CSMD1: variants seen among roughly 807,000 people sequenced by gnomAD.
CSMD1 encodes CUB and sushi domain-containing protein 1.
A neutral mutation model predicts 417.5 loss-of-function variants in CSMD1; 213 were observed. The observed-to-expected ratio is 0.51, with a 90% CI of 0.46 to 0.57. The LOEUF is 0.57. Ranked by LOEUF, CSMD1 falls within the 20% of genes least tolerant of loss-of-function variation. The pLI is 0.00. For missense variants in CSMD1, 6,923 were observed against 4,529.7 expected, an observed-to-expected ratio of 1.53 and a Z score of -15.17; for synonymous variants, 2,862 against 1,736.8, an observed-to-expected ratio of 1.65 and a Z score of -16.11.
At chr8:4,693,104 C>T (rs1358353327) in intron 1 of CSMD1, among the ~76,000 whole-genome samples, 1 of 152,190 alleles carries the variant, frequency 6.6e-6, no homozygotes, top group Non-Finnish European at 1.5e-5. Flanking sequence ...CGGAAGTTCC[C>T]AGGGCCCACT....
intron 3 of CSMD1, among the ~76,000 whole-genome samples, chr8:4,325,276 T>G (rs1799496442): frequency 6.6e-6 from 1 of 152,172 alleles, no homozygotes; most frequent in Admixed American, 6.5e-5. Context: ...TCCTCCCCAC[T>G]AACCAAGTAT....
Position 3,366,883 on chromosome 8 carries a change from TG to T in CSMD1, c.3115+148del, listed in dbSNP as rs1563315963. The stretch of plus-strand genomic sequence containing the variant: ...CCTGCTTCGTGGAGGCTCAGCCTCC[TG>T]CACCCCATTAGTTGGAATCAAGTCA... On this transcript the variant is annotated intron_variant, in intron 20 of 69. Transcript: ENST00000635120. 1.5e-4 allele frequency: 105 copies of T among 693,512 alleles called. No homozygotes were observed. The African/African-American group carries it at 1.7e-3, about 11-fold the overall frequency. The allele number at this position is 693,512 out of a possible 1,614,324, so 43.0% of individuals were successfully genotyped here.
At chr8:3,069,576 G>A (rs1813187668) in intron 49 of CSMD1, among the ~76,000 whole-genome samples, 1 of 152,196 alleles carries the variant, frequency 6.6e-6, no homozygotes, top group Admixed American at 6.5e-5. Context: ...CACTACAAGG[G>A]GTGGTTTCGC....
In CSMD1 at chr8:2,946,927, T is replaced by G. The variant is rs561987365; in HGVS notation, c.10402+2372A>C. Reference sequence around the variant, plus strand: ...TAGATCACAGCCATCCTTGTGGACATGAAGGGGTATCCCAGTGTGGTTTTG... The same window carrying G: ...TAGATCACAGCCATCCTTGTGGACAGGAAGGGGTATCCCAGTGTGGTTTTG... On this transcript the variant is annotated intron_variant, in intron 68 of 69. Transcript: ENST00000635120. 1.1e-4 allele frequency among the ~76,000 whole-genome samples: 16 copies of G among 152,302 alleles called. No homozygotes were observed. The South Asian group carries it at 3.3e-3, about 32-fold the overall frequency.
chr8:4,309,671 C>A (rs1798450567), intron 3 of CSMD1, among the ~76,000 whole-genome samples: 1 of 152,150 alleles, frequency 6.6e-6, no homozygotes, highest in Non-Finnish European at 1.5e-5. Context: ...TTGAGCATAT[C>A]ACCTTACACA....
At chr8:3,772,458 TAC>T in intron 5 of CSMD1, among the ~76,000 whole-genome samples, 1 of 76,184 alleles carries the variant, frequency 1.3e-5, no homozygotes, top group African/African-American at 4.7e-5. Flanking sequence ...CACATATATA[TAC>T]ATATATACAC....
chr8:3,344,146 G>C (rs1023577398), intron 22 of CSMD1, among the ~76,000 whole-genome samples: 2 of 152,234 alleles, frequency 1.3e-5, no homozygotes, highest in Non-Finnish European at 1.5e-5. Flanking sequence ...CCAGCCGGGA[G>C]AGGGAAGGTT....
chr8:3,138,580 G>A (rs780123448), intron 41 of CSMD1, among the ~76,000 whole-genome samples: 7 of 152,188 alleles, frequency 4.6e-5, no homozygotes, highest in Non-Finnish European at 7.3e-5. Context: ...TCCCCTGGTC[G>A]GAGTACTCAG....
chr8:3,836,750 CAAA>C (rs540269220), intron 5 of CSMD1, among the ~76,000 whole-genome samples: 80 of 151,592 alleles, frequency 5.3e-4, no homozygotes, highest in South Asian at 1.2e-3. Context: ...AAATTCAGGG[CAAA>C]AAAATGTATT....
At chr8:3,869,412 C>T (rs1805327129) in intron 5 of CSMD1, among the ~76,000 whole-genome samples, 1 of 152,148 alleles carries the variant, frequency 6.6e-6, no homozygotes, top group Non-Finnish European at 1.5e-5. Context: ...ATTTTGTTTA[C>T]TCCTTTTCTC....
intron 7 of CSMD1, among the ~76,000 whole-genome samples, chr8:3,699,908 A>G (rs34534899): frequency 0.012 from 1,471 of 123,966 alleles, 6 homozygotes; most frequent in East Asian, 0.033. Context: ...ATATCCCATA[A>G]CTACATCCCT....
intron 3 of CSMD1, among the ~76,000 whole-genome samples, chr8:4,283,810 A>C (rs1796916746): frequency 6.6e-6 from 1 of 152,024 alleles, no homozygotes; most frequent in Non-Finnish European, 1.5e-5. Flanking sequence ...CGCTTTACCC[A>C]CCTATAAAAT....
At chr8:4,475,387 T>A (rs1800744286) in intron 2 of CSMD1, among the ~76,000 whole-genome samples, 1 of 152,122 alleles carries the variant, frequency 6.6e-6, no homozygotes, top group Non-Finnish European at 1.5e-5. Context: ...ATCAAATGTG[T>A]TATGATCCTG....
At chr8:3,183,857 A>T (rs1235071537) in intron 36 of CSMD1, among the ~76,000 whole-genome samples, 1 of 152,214 alleles carries the variant, frequency 6.6e-6, no homozygotes, top group African/African-American at 2.4e-5. Context: ...TATTATTTTC[A>T]CAACAATCAC....
rs149299720 is a variant in CSMD1 at position 4,024,046 on chromosome 8, G to C, written c.610+7859C>G. Among the ~76,000 whole-genome samples, 1,236 of 152,038 alleles carry C rather than the reference G, an allele frequency of 8.1e-3. 24 individuals carry two copies. The highest frequency in any genetic ancestry group is 0.028 in the African/African-American group (1,148 of 41,470). ...TCTATTGCAATTGAGAGAACATAGAGGCCAAAACAGGAGAGAAAATATACT... is the reference window on the plus strand; with the variant it reads ...TCTATTGCAATTGAGAGAACATAGACGCCAAAACAGGAGAGAAAATATACT... On this transcript the variant is annotated intron_variant, in intron 4 of 69. Coordinates refer to ENST00000635120, the MANE Select transcript of CSMD1 (RefSeq NM_033225.6).
At chr8:3,131,809 A>G (rs1817808415) in intron 41 of CSMD1, among the ~76,000 whole-genome samples, 1 of 152,188 alleles carries the variant, frequency 6.6e-6, no homozygotes, top group African/African-American at 2.4e-5. Flanking sequence ...TGCCTTTAAA[A>G]TGTAAGGAAA....
intron 5 of CSMD1, among the ~76,000 whole-genome samples, chr8:3,930,141 T>C (rs1810039109): frequency 6.7e-6 from 1 of 150,230 alleles, no homozygotes; most frequent in Non-Finnish European, 1.5e-5. Context: ...TACCCTACCA[T>C]TGTAAATAAG....
chr8:4,443,773 T>C (rs144224535), intron 2 of CSMD1, among the ~76,000 whole-genome samples: 2 of 152,308 alleles, frequency 1.3e-5, no homozygotes, highest in Non-Finnish European at 2.9e-5. Flanking sequence ...ACATTCTATC[T>C]CTACCAAGTG....
At chr8:4,943,100 G>C (rs895871282) in intron 1 of CSMD1, among the ~76,000 whole-genome samples, 1 of 152,160 alleles carries the variant, frequency 6.6e-6, no homozygotes, top group African/African-American at 2.4e-5. Flanking sequence ...TGACTCCATA[G>C]ATTTTACAAT....
Sources: allele counts gnomAD v4.1 joint callset (sites outside exome capture counted in the v4.1 genomes callset), GRCh38; gene constraint gnomAD v4.1.1; transcripts MANE v1.5; gene names NCBI Gene and HGNC (gene_info 2026-07-23, HGNC 2026-07-21).